UNC79: variants seen among roughly 807,000 people sequenced by gnomAD.
UNC79 encodes unc-79 subunit of NALCN channel complex, also known as protein unc-79 homolog.
Under a neutral mutation model 283.1 loss-of-function variants are expected in UNC79, and 37 were observed. The ratio of observed to expected loss-of-function variants is 0.13; its 90% confidence interval spans 0.10 to 0.17. The LOEUF (loss-of-function observed/expected upper bound fraction) is 0.17, where lower values mean the gene tolerates loss of function less well. UNC79 is among the 10% of genes least tolerant of loss of function. The pLI is 1.00. For synonymous variants in UNC79, 1,107 were observed against 1,200.2 expected (o/e 0.92, Z 1.61); for missense variants, 2,272 against 3,211.1 (o/e 0.71, Z 7.07).
intron 4 of UNC79, among the ~76,000 whole-genome samples, chr14:93,479,812 T>C (rs1382817593): frequency 2.0e-5 from 3 of 152,168 alleles, no homozygotes; most frequent in Admixed American, 1.3e-4. Flanking sequence ...AAAAAATTTT[T>C]TTGTAGAGAT....
At chr14:93,394,207 T>G (rs2054941496) in intron 1 of UNC79, among the ~76,000 whole-genome samples, 1 of 152,142 alleles carries the variant, frequency 6.6e-6, no homozygotes, top group South Asian at 2.1e-4. Context: ...TGCCCACTGA[T>G]GTTTCACACA....
intron 4 of UNC79, among the ~76,000 whole-genome samples, chr14:93,483,055 C>T (rs1235209876): frequency 7.9e-5 from 12 of 152,182 alleles, no homozygotes. Context: ...GCTTTTGCTC[C>T]ATGCTTTATT....
At chr14:93,510,731 A>T (rs778753009) in intron 7 of UNC79, among the ~76,000 whole-genome samples, 5 of 152,190 alleles carry the variant, frequency 3.3e-5, no homozygotes, top group Non-Finnish European at 7.3e-5. Flanking sequence ...CACTATCAGC[A>T]TCTTGGTCAC....
At chr14:93,488,246 G>C (rs1032155718) in intron 5 of UNC79, among the ~76,000 whole-genome samples, 7 of 152,140 alleles carry the variant, frequency 4.6e-5, no homozygotes, top group Non-Finnish European at 4.4e-5. Context: ...GTCTCATTGT[G>C]ATTTGTCATT....
chr14:93,523,850 A>C, intron 7 of UNC79, 128 bp from the exon 8 acceptor site: 1 of 932,680 alleles, frequency 1.1e-6, no homozygotes, highest in Middle Eastern at 2.8e-4. Context: ...GATTAAAAAG[A>C]TGATTCTGTT....
chr14:93,360,326 A>G (rs8003519), intron 1 of UNC79, among the ~76,000 whole-genome samples: 91,643 of 152,026 alleles, frequency 0.6, 28,111 homozygotes, highest in Admixed American at 0.67. Context: ...TAGTGCCACC[A>G]TCAAGGATTT....
intron 23 of UNC79, among the ~76,000 whole-genome samples, chr14:93,595,786 T>C (rs185537543): frequency 7.9e-5 from 12 of 152,338 alleles, no homozygotes; most frequent in Non-Finnish European, 1.5e-5. Flanking sequence ...TTCAAAGTCA[T>C]ATTTCAGCTA....
At chr14:93,335,244 C>A (rs188623963) in intron 1 of UNC79, among the ~76,000 whole-genome samples, 1 of 152,100 alleles carries the variant, frequency 6.6e-6, no homozygotes, top group African/African-American at 2.4e-5. Context: ...TTTTTTCTAC[C>A]CTTTAATTCA....
At chr14:93,407,191 C>T (rs1294393523) in intron 1 of UNC79, among the ~76,000 whole-genome samples, 1 of 152,114 alleles carries the variant, frequency 6.6e-6, no homozygotes, top group East Asian at 1.9e-4. Flanking sequence ...CTGCAAAGAC[C>T]TTATCTCCAA....
chr14:93,340,961 T>C (rs1223071709), intron 1 of UNC79, among the ~76,000 whole-genome samples: 4 of 152,210 alleles, frequency 2.6e-5, no homozygotes, highest in Non-Finnish European at 4.4e-5. Context: ...TACTGTCTGA[T>C]TTAACCTCCA....
At chr14:93,571,944 A>G (rs2063228616) in exon 15 of UNC79, 2 of 1,614,050 alleles carry the variant, frequency 1.2e-6, no homozygotes, top group African/African-American at 1.3e-5. Flanking sequence ...AGCTGAAGGA[A>G]GGTCTCAACC....
intron 1 of UNC79, among the ~76,000 whole-genome samples, chr14:93,402,876 T>C (rs1170817035): frequency 6.6e-6 from 1 of 152,154 alleles, no homozygotes; most frequent in African/African-American, 2.4e-5. Context: ...GTTAAGGACA[T>C]ACCCATGACA....
intron 1 of UNC79, among the ~76,000 whole-genome samples, chr14:93,436,216 T>C (rs1267775442): frequency 1.3e-5 from 2 of 152,240 alleles, no homozygotes; most frequent in Admixed American, 6.5e-5. Context: ...TTTGTTAATA[T>C]GAAGTTCTGC....
chr14:93,686,687 C>G, intron 43 of UNC79, 26 bp downstream of exon 46: 1 of 1,612,964 alleles, frequency 6.2e-7, no homozygotes. Flanking sequence ...CCTGCTCATC[C>G]CTCAGGTTCA....
chr14:93,367,361 G>A (rs1342991136), intron 1 of UNC79, among the ~76,000 whole-genome samples: 6 of 152,244 alleles, frequency 3.9e-5, no homozygotes, highest in African/African-American at 7.2e-5. Context: ...AACATGTGTC[G>A]TGGTAAAAGT....
chr14:93,417,473 CT>C (rs1424740942), intron 1 of UNC79, among the ~76,000 whole-genome samples: 2 of 152,132 alleles, frequency 1.3e-5, no homozygotes, highest in African/African-American at 4.8e-5. Context: ...TTCATTTCAA[CT>C]TTGGTAAATC....
intron 4 of UNC79, among the ~76,000 whole-genome samples, chr14:93,478,584 G>C (rs1388518138): frequency 1.3e-5 from 2 of 152,024 alleles, no homozygotes; most frequent in Admixed American, 1.3e-4. Flanking sequence ...CCAACTTTCT[G>C]TTTCTTTCTT....
intron 27 of UNC79, 44 bp downstream of exon 28, chr14:93,613,127 T>C: frequency 6.2e-7 from 1 of 1,605,246 alleles, no homozygotes; most frequent in Admixed American, 1.7e-5. Context: ...TTTATACTTT[T>C]AGTAGAAGCA....
rs898746441 is a variant in UNC79, at chr14:93,617,906, G to A, written c.4225-286G>A. ...AAAAATTAGCCAAGCATGGTTGCACGTGCCTGGTCCCACCTACTTGGGAGG... is the reference window on the plus strand; with the variant it reads ...AAAAATTAGCCAAGCATGGTTGCACATGCCTGGTCCCACCTACTTGGGAGG... On this transcript the variant is annotated intron_variant, in intron 28 of 48. Transcript: ENST00000555664. This position sits in a 1 kb window ranked among gnomAD's most constrained non-coding sequence, Gnocchi z 4.5. Among the ~76,000 whole-genome samples the A allele has an allele frequency of 4.6e-5, 7 of 152,208 alleles. No individual in the cohort carries two copies. Among genetic ancestry groups the A allele is most frequent in the African/African-American group, 1.2e-4 (5 of 41,530 alleles).
Sources: gnomAD v4.1 joint callset for allele counts (sites outside exome capture counted in the v4.1 genomes callset) on GRCh38, gnomAD v4.1.1 for gene constraint, Gnocchi (gnomAD v3.1) non-coding constraint, MANE v1.5 for transcripts, NCBI Gene and HGNC (gene_info 2026-07-23, HGNC 2026-07-21) for gene names.